The following JCHAIN variants were observed in gnomAD, a reference collection of about 807,000 sequenced individuals.
The protein encoded by JCHAIN is immunoglobulin J chain.
In JCHAIN, 5 loss-of-function variants were observed where a neutral mutation model predicts 11.1. The observed-to-expected ratio is 0.45, with a 90% CI of 0.24 to 0.95. The LOEUF is 0.95. Ranked by LOEUF, JCHAIN falls within the 40% of genes least tolerant of loss-of-function variation. The pLI is 0.21. For missense variants in JCHAIN, 165 were observed against 192.7 expected (o/e 0.86, Z 0.85); for synonymous variants, 51 against 67.8 (o/e 0.75, Z 1.22).
rs758574444 is a variant in JCHAIN, at chr4:70,666,403, G to A, written c.64+24C>T. The A allele has an allele frequency of 1.9e-6, 3 of 1,540,454 alleles. No homozygotes were observed. The South Asian group carries it at 3.4e-5, about 17-fold the overall frequency. ...GTCCTATATTTTTCCTTTGATCTGG[G>A]ATCATTTTCTAAATATCACATACCT... On this transcript the variant is annotated intron_variant, in intron 1 of 3. Transcript: ENST00000254801.
At chr4:70,657,603 C>G (rs973373655) in intron 2 of JCHAIN, among the ~76,000 whole-genome samples, 1 of 152,150 alleles carries the variant, frequency 6.6e-6, no homozygotes, top group African/African-American at 2.4e-5. Flanking sequence ...TATCCCCACC[C>G]TTCAACAAAC....
At chr4:70,658,608 A>G (rs1023856502) in intron 2 of JCHAIN, among the ~76,000 whole-genome samples, 6 of 152,176 alleles carry the variant, frequency 3.9e-5, no homozygotes, top group African/African-American at 1.4e-4. Flanking sequence ...ATGATCTCAT[A>G]TAATCGTCAC....
chr4:70,663,903 A>T (rs1023402591), intron 1 of JCHAIN, among the ~76,000 whole-genome samples: 2 of 151,866 alleles, frequency 1.3e-5, no homozygotes, highest in Non-Finnish European at 2.9e-5. Context: ...TTACATAAGT[A>T]ATGCTATTAA....
Position 70,656,571 on chromosome 4 carries a change from C to T in JCHAIN, c.270-32G>A, listed in dbSNP as rs1238838615. 2.7e-6 allele frequency: 4 copies of T among 1,504,388 alleles called. No homozygotes were observed. In the South Asian group the frequency reaches 4.5e-5, roughly 17 times the overall value. 93.2% of individuals were successfully genotyped at this position (1,504,388 alleles called of 1,614,324 possible). On this transcript the variant is annotated intron_variant, in intron 3 of 3. Coordinates refer to ENST00000254801, the MANE Select transcript of JCHAIN (RefSeq NM_144646.4). Reference sequence around the variant, plus strand: ...AGCAAATATATGTATTAGACAATCCCCTCAAATGCTGTCTCAAAATGTGAC... The same window carrying T: ...AGCAAATATATGTATTAGACAATCCTCTCAAATGCTGTCTCAAAATGTGAC...
In JCHAIN at chr4:70,656,195, G is replaced by T; in HGVS notation, c.*134C>A. On this transcript the variant is annotated 3_prime_UTR_variant, in exon 4 of 4. Transcript: ENST00000254801. ...CTATTTTAATTATTTTGGTGGCAGG[G>T]AGTTGGTTTTACATCACCCAAAAAA... The T allele has an allele frequency of 1.6e-6, 1 of 617,710 alleles. No homozygotes were observed. The allele number at this position is 617,710 out of a possible 1,614,324, so 38.3% of individuals were successfully genotyped here.
intron 1 of JCHAIN, among the ~76,000 whole-genome samples, chr4:70,662,644 A>T (rs950886582): frequency 2.4e-4 from 37 of 152,266 alleles, no homozygotes; most frequent in Admixed American, 4.6e-4. Context: ...GATTCAATTT[A>T]AAAAAAGGCT....
intron 1 of JCHAIN, among the ~76,000 whole-genome samples, chr4:70,663,688 G>A (rs1739100499): frequency 6.6e-6 from 1 of 151,620 alleles, no homozygotes; most frequent in Non-Finnish European, 1.5e-5. Context: ...AACCTCCCAA[G>A]TAGCTGGGAT....
rs1229171023 is a variant in JCHAIN, at chr4:70,662,215, G to C, written c.65C>G (p.Ala22Gly). The C allele has an allele frequency of 6.2e-7, 1 of 1,611,746 alleles. No individual in the cohort carries two copies. The highest frequency in any genetic ancestry group is 2.2e-5 in the East Asian group (1 of 44,832). ...AVFIKAVHVK[A>G]QEDERIVLVD... Reference sequence around the variant, plus strand: ...AAGAACAATCCTTTCATCTTCTTGGGCTTGAAAGGTAAACGTATTAAAAAG... The same window carrying C: ...AAGAACAATCCTTTCATCTTCTTGGCCTTGAAAGGTAAACGTATTAAAAAG... Residue 22 changes from alanine to glycine, a missense_variant and splice_region_variant, in exon 2 of 4, where the codon GCC becomes GGC. Coordinates refer to ENST00000254801, the MANE Select transcript of JCHAIN (RefSeq NM_144646.4).
chr4:70,665,944 AG>A (rs1165548865), intron 1 of JCHAIN: 1 of 290,894 alleles, frequency 3.4e-6, no homozygotes, highest in Admixed American at 4.0e-5. Flanking sequence ...ATCAATTTAT[AG>A]GCAACCTGTA....
At chr4:70,665,444 C>G (rs1211154895) in intron 1 of JCHAIN, among the ~76,000 whole-genome samples, 1 of 152,066 alleles carries the variant, frequency 6.6e-6, no homozygotes, top group Non-Finnish European at 1.5e-5. Flanking sequence ...CCCCAACTTA[C>G]CATGGTTCTA....
At chr4:70,661,090 TA>T (rs1739048542) in intron 2 of JCHAIN, among the ~76,000 whole-genome samples, 1 of 152,210 alleles carries the variant, frequency 6.6e-6, no homozygotes, top group African/African-American at 2.4e-5. Context: ...TTAAACACAT[TA>T]TACTTTTTCC....
intron 2 of JCHAIN, 103 bp from the exon 3 acceptor site, chr4:70,657,394 G>T: frequency 1.5e-6 from 1 of 661,456 alleles, no homozygotes; most frequent in Non-Finnish European, 2.7e-6. Context: ...AGTACTTATT[G>T]TATTTAGTAC....
chr4:70,658,426 C>T (rs1273882088), intron 2 of JCHAIN, among the ~76,000 whole-genome samples: 3 of 152,214 alleles, frequency 2.0e-5, no homozygotes, highest in Non-Finnish European at 4.4e-5. Context: ...GCCCCTAACT[C>T]TCCAGCTTCA....
At position 70,662,162 on chromosome 4, in the gene JCHAIN, T is replaced by C. The variant is rs147095276; in HGVS notation, c.118A>G (p.Ile40Val). Reference sequence around the variant, plus strand: ...GAAGAACGGATGATCCTGGAAGTAATCCGGGCACACTTACATTTGTTGTCA... The same window carrying C: ...GAAGAACGGATGATCCTGGAAGTAACCCGGGCACACTTACATTTGTTGTCA... ...LVDNKCKCAR[I>V]TSRIIRSSED... Residue 40 changes from isoleucine (I) to valine (V), a missense_variant, in exon 2 of 4, where the codon ATT (isoleucine) becomes GTT (valine). Physicochemically the swap from Ile to Val is conservative, Grantham distance 29. Coordinates refer to ENST00000254801, the MANE Select transcript of JCHAIN (RefSeq NM_144646.4). The C allele has an allele frequency of 1.2e-6, 2 of 1,613,262 alleles. No homozygotes were observed. Among genetic ancestry groups the C allele is most frequent in the Non-Finnish European group, 1.7e-6 (2 of 1,179,322 alleles).
chr4:70,656,592 G>A, intron 3 of JCHAIN, 53 bp from the exon 4 acceptor site: 3 of 1,342,332 alleles, frequency 2.2e-6, no homozygotes, highest in Non-Finnish European at 3.2e-6. Context: ...GTCTCAAAAT[G>A]TGACTACACA....
chr4:70,658,701 C>T (rs1739000739), intron 2 of JCHAIN, among the ~76,000 whole-genome samples: 1 of 152,156 alleles, frequency 6.6e-6, no homozygotes, highest in Non-Finnish European at 1.5e-5. Flanking sequence ...CCAGCAAACT[C>T]CTATTGAGCT....
chr4:70,662,744 G>T (rs1739084490), intron 1 of JCHAIN, among the ~76,000 whole-genome samples: 1 of 151,988 alleles, frequency 6.6e-6, no homozygotes, highest in African/African-American at 2.4e-5. Context: ...GCAGATCACA[G>T]GGTCAGGAGT....
At chr4:70,661,514 G>T (rs919072216) in intron 2 of JCHAIN, among the ~76,000 whole-genome samples, 2 of 152,188 alleles carry the variant, frequency 1.3e-5, no homozygotes, top group African/African-American at 4.8e-5. Context: ...ACTTGGCCAG[G>T]CGTGGTGGTT....
chr4:70,660,394 T>C (rs2148528256), intron 2 of JCHAIN, among the ~76,000 whole-genome samples: 1 of 151,660 alleles, frequency 6.6e-6, no homozygotes, highest in African/African-American at 2.4e-5. Flanking sequence ...TTTTTTTTTT[T>C]TTTTTGAGAA....
Sources: allele counts gnomAD v4.1 joint callset (sites outside exome capture counted in the v4.1 genomes callset), GRCh38; gene constraint gnomAD v4.1.1; transcripts MANE v1.5; gene names NCBI Gene and HGNC (gene_info 2026-07-23, HGNC 2026-07-21).